The following CSMD1 variants were observed in gnomAD, a reference collection of about 807,000 sequenced individuals.
CSMD1 encodes CUB and sushi domain-containing protein 1.
Under a neutral mutation model 417.5 loss-of-function variants are expected in CSMD1, and 213 were observed. The ratio of observed to expected loss-of-function variants is 0.51; its 90% confidence interval spans 0.46 to 0.57. The LOEUF is 0.57. CSMD1 is among the 20% of genes least tolerant of loss of function. CSMD1 has a pLI of 0.00. For missense variants in CSMD1, 6,923 were observed against 4,529.7 expected, an observed-to-expected ratio of 1.53 and a Z score of -15.17; for synonymous variants, 2,862 against 1,736.8, an observed-to-expected ratio of 1.65 and a Z score of -16.11.
chr8:4,287,744 T>C (rs1205782677), intron 3 of CSMD1, among the ~76,000 whole-genome samples: 1 of 151,678 alleles, frequency 6.6e-6, no homozygotes, highest in African/African-American at 2.4e-5. Flanking sequence ...ATCACACAAA[T>C]AGCCACTGAA....
intron 41 of CSMD1, among the ~76,000 whole-genome samples, chr8:3,126,831 A>G (rs753916819): frequency 4.6e-5 from 7 of 152,156 alleles, no homozygotes; most frequent in Non-Finnish European, 1.0e-4. Flanking sequence ...TTATACATCA[A>G]TGCTTCGGGA....
chr8:4,177,409 T>C (rs1584963844), intron 3 of CSMD1, among the ~76,000 whole-genome samples: 3 of 151,958 alleles, frequency 2.0e-5, no homozygotes, highest in African/African-American at 7.2e-5. Flanking sequence ...CATACCAGAA[T>C]CTCTGGGGCA....
chr8:4,043,580 G>C (rs768573222), intron 3 of CSMD1, among the ~76,000 whole-genome samples: 3 of 152,204 alleles, frequency 2.0e-5, no homozygotes, highest in African/African-American at 4.8e-5. Flanking sequence ...TGGCCGCCTT[G>C]AGGGGGAAAT....
intron 2 of CSMD1, among the ~76,000 whole-genome samples, chr8:4,444,128 G>T (rs888443150): frequency 6.6e-6 from 1 of 151,892 alleles, no homozygotes; most frequent in Non-Finnish European, 1.5e-5. Flanking sequence ...GATCACTTCA[G>T]GTCAGAAATT....
chr8:4,559,270 T>A (rs1423517359), intron 2 of CSMD1, among the ~76,000 whole-genome samples: 2 of 152,190 alleles, frequency 1.3e-5, no homozygotes, highest in African/African-American at 4.8e-5. Flanking sequence ...AAGTCCAAAC[T>A]TAAATGTGTA....
At chr8:4,885,391 G>A (rs1413885347) in intron 1 of CSMD1, among the ~76,000 whole-genome samples, 1 of 151,928 alleles carries the variant, frequency 6.6e-6, no homozygotes, top group Non-Finnish European at 1.5e-5. Context: ...TACCAAAAAG[G>A]CACATCGATG....
At chr8:3,999,321 C>A (rs1815475832) in intron 4 of CSMD1, among the ~76,000 whole-genome samples, 1 of 152,118 alleles carries the variant, frequency 6.6e-6, no homozygotes, top group Non-Finnish European at 1.5e-5. Flanking sequence ...TGAGCTCTTA[C>A]AAAGTGCATA....
At chr8:3,847,636 C>G (rs900672191) in intron 5 of CSMD1, among the ~76,000 whole-genome samples, 11 of 152,122 alleles carry the variant, frequency 7.2e-5, no homozygotes, top group Non-Finnish European at 1.3e-4. Context: ...CCCGAGAAAA[C>G]ACGGATGCAC....
intron 5 of CSMD1, among the ~76,000 whole-genome samples, chr8:3,875,176 C>A (rs748651381): frequency 6.6e-6 from 1 of 152,052 alleles, no homozygotes; most frequent in Non-Finnish European, 1.5e-5. Context: ...TGGACTGTAG[C>A]GCAGTGGGGA....
intron 67 of CSMD1, among the ~76,000 whole-genome samples, chr8:2,949,866 G>A (rs2128918646): frequency 1.3e-5 from 2 of 152,158 alleles, no homozygotes; most frequent in African/African-American, 4.8e-5. Flanking sequence ...ATTTATCTGG[G>A]AATGATTTCT....
chr8:4,280,200 G>A (rs1035409331), intron 3 of CSMD1, among the ~76,000 whole-genome samples: 1 of 152,196 alleles, frequency 6.6e-6, no homozygotes, highest in Non-Finnish European at 1.5e-5. Flanking sequence ...TCTTAAGCAA[G>A]CATAGGCCAA....
At chr8:4,698,281 A>G (rs867561816) in intron 1 of CSMD1, among the ~76,000 whole-genome samples, 2 of 152,150 alleles carry the variant, frequency 1.3e-5, no homozygotes, top group Non-Finnish European at 2.9e-5. Flanking sequence ...CGAATGCTGT[A>G]TAAAGGCTCG....
At chr8:3,845,716 T>C (rs983331880) in intron 5 of CSMD1, among the ~76,000 whole-genome samples, 2 of 152,230 alleles carry the variant, frequency 1.3e-5, no homozygotes, top group Admixed American at 1.3e-4. Context: ...ATAAAGTTTT[T>C]GATTTTTCAT....
chr8:4,393,338 A>C (rs890936842), intron 3 of CSMD1, among the ~76,000 whole-genome samples: 7 of 152,192 alleles, frequency 4.6e-5, no homozygotes, highest in African/African-American at 1.7e-4. Context: ...TTGAGGCAGC[A>C]GAAAAATCAT....
chr8:4,147,206 C>T, intron 3 of CSMD1, among the ~76,000 whole-genome samples: 1 of 152,104 alleles, frequency 6.6e-6, no homozygotes, highest in East Asian at 1.9e-4. Context: ...CACACAACTA[C>T]TGAAAAAGAA....
chr8:3,345,926 T>C (rs1247870400), intron 22 of CSMD1, among the ~76,000 whole-genome samples: 1 of 152,214 alleles, frequency 6.6e-6, no homozygotes, highest in African/African-American at 2.4e-5. Context: ...GAGAGCTCGA[T>C]ATCTCTTACA....
chr8:4,841,010 C>T (rs1246744557), intron 1 of CSMD1, among the ~76,000 whole-genome samples: 3 of 152,154 alleles, frequency 2.0e-5, no homozygotes, highest in Admixed American at 1.3e-4. Flanking sequence ...GAGCGTTTGC[C>T]GTCAGCCCCC....
At chr8:3,762,683 A>T (rs56361475) in intron 5 of CSMD1, among the ~76,000 whole-genome samples, 7,718 of 152,262 alleles carry the variant, frequency 0.051, 244 homozygotes, top group Middle Eastern at 0.095. Context: ...GTGCCCAGAG[A>T]AAGAGAGAGA....
intron 3 of CSMD1, among the ~76,000 whole-genome samples, chr8:4,246,402 G>T (rs1260449299): frequency 6.6e-6 from 1 of 152,158 alleles, no homozygotes. Flanking sequence ...CTGCTGTTGT[G>T]AAGTTCTTAA....
Sources: gnomAD v4.1 joint callset for allele counts (sites outside exome capture counted in the v4.1 genomes callset) on GRCh38, gnomAD v4.1.1 for gene constraint, MANE v1.5 for transcripts, NCBI Gene and HGNC (gene_info 2026-07-23, HGNC 2026-07-21) for gene names.